The following CDK9 variants were observed in gnomAD, a reference collection of about 807,000 sequenced individuals.
The protein encoded by CDK9 is cyclin-dependent kinase 9.
CDK9 carries 34 observed loss-of-function variants against 39.0 expected under a neutral mutation model. The ratio of observed to expected loss-of-function variants is 0.87; its 90% CI spans 0.66 to 1.16. The LOEUF (loss-of-function observed/expected upper bound fraction) is 1.16. Ranked by LOEUF, CDK9 falls within the 50% of genes most tolerant of loss-of-function variation. CDK9 has a pLI of 0.00. For missense variants in CDK9, 369 were observed against 503.2 expected, an observed-to-expected ratio of 0.73 and a Z score of 2.55; for synonymous variants, 233 against 196.2, an observed-to-expected ratio of 1.19 and a Z score of -1.57.
intron 2 of CDK9, 86 bp from the exon 3 acceptor site, chr9:127,787,432 C>T: frequency 2.4e-6 from 2 of 820,082 alleles, no homozygotes; most frequent in Non-Finnish European, 4.1e-6. Flanking sequence ...CTTGCTCTGT[C>T]TCCCAACTTG....
Position 127,790,188 on chromosome 9 carries a change from G to A in CDK9, c.*645G>A, listed in dbSNP as rs375388761. On this transcript the variant is annotated 3_prime_UTR_variant, in exon 7 of 7. Transcript: ENST00000373264. ...AGGTTGGGCCTGACCATTGGGACTT[G>A]ATTGTCAAGTCACTGGAGGTCTTGA... The A allele has an allele frequency of 2.0e-5, 3 of 151,780 alleles. No homozygotes were observed. Among genetic ancestry groups the A allele is most frequent in the Non-Finnish European group, 4.4e-5 (3 of 68,016 alleles). 9.4% of individuals were successfully genotyped at this position (151,780 alleles called of 1,614,324 possible).
Position 127,788,228 on chromosome 9 carries a change from C to T in CDK9, c.447C>T (p.Asp149=), listed in dbSNP as rs1340295936. The change falls in exon 5 of 7, where the codon GAC becomes GAT. Residue 149 remains aspartate, a synonymous_variant. Transcript: ENST00000373264. ...YIHRNKILHR[D]MKAANVLITR... is the part of the protein sequence containing the mutation. The stretch of plus-strand genomic sequence containing the variant: ...CCTTCCTGCAGATCCTGCATAGGGA[C>T]ATGAAGGCTGCTAATGTGCTTATCA... The T allele has an allele frequency of 2.5e-6, 4 of 1,613,846 alleles. No homozygotes were observed. In the South Asian group the frequency reaches 3.3e-5, roughly 13 times the overall value.
At chr9:127,788,138 AC>A in intron 4 of CDK9, 25 bp downstream of exon 4, 1 of 1,613,854 alleles carries the variant, frequency 6.2e-7, no homozygotes, top group African/African-American at 1.3e-5. Context: ...TGGGAGGAGG[AC>A]CCAGGCTTGG....
chr9:127,788,439 C>CT, intron 5 of CDK9, 54 bp downstream of exon 5: 1 of 1,566,658 alleles, frequency 6.4e-7, no homozygotes, highest in Non-Finnish European at 8.7e-7. Context: ...CTACCTGGCC[C>CT]CTTCCCCCCA....
intron 6 of CDK9, among the ~76,000 whole-genome samples, 182 bp downstream of exon 6, chr9:127,788,874 G>A (rs2297214): frequency 0.33 from 49,412 of 152,034 alleles, 9,386 homozygotes; most frequent in East Asian, 0.59. Flanking sequence ...CGCCAGTCTC[G>A]GTTCCATCAG....
intron 3 of CDK9, 140 bp from the exon 4 acceptor site, chr9:127,787,807 G>T: frequency 1.0e-6 from 1 of 981,292 alleles, no homozygotes; most frequent in Non-Finnish European, 1.5e-6. Context: ...GAAAATATTT[G>T]ACCGGTGAAG....
In CDK9 at chr9:127,788,391, G is replaced by T; in HGVS notation, c.604+6G>T. 6.2e-7 allele frequency: 1 copy of T among 1,610,740 alleles called. No individual in the cohort carries two copies. The highest frequency in any genetic ancestry group is 1.1e-5 in the South Asian group (1 of 90,882). On this transcript the variant is annotated splice_donor_region_variant and intron_variant, in intron 5 of 6. Transcript: ENST00000373264. ...GCCCCCGGAGCTGTTGCTCGGTGAGGACTCCCGAGCGGGCCAAGGGGGGTG... is the reference window on the plus strand; with the variant it reads ...GCCCCCGGAGCTGTTGCTCGGTGAGTACTCCCGAGCGGGCCAAGGGGGGTG...
rs1282744711 is a variant in CDK9 at position 127,790,650 on chromosome 9, T to C, written c.*1107T>C. 2.0e-5 allele frequency: 3 copies of C among 152,090 alleles called. No homozygotes were observed. Among genetic ancestry groups the C allele is most frequent in the African/African-American group, 7.2e-5 (3 of 41,392 alleles). The allele number at this position is 152,090 out of a possible 1,614,324, so 9.4% of individuals were successfully genotyped here. On this transcript the variant is annotated 3_prime_UTR_variant, in exon 7 of 7. Coordinates refer to ENST00000373264, the MANE Select transcript of CDK9 (RefSeq NM_001261.4). ...TAGGAAGAGACATTCTGGAGGTCAA[T>C]TTCCTACATCCTCTTACAGGCGGAG...
In CDK9 at chr9:127,788,662, C is replaced by G; in HGVS notation, c.723C>G (p.Ile241Met). ...GNTEQHQLAL[I>M]SQLCGSITPE... ...CGGAGCAGCACCAACTCGCCCTCAT[C>G]AGTCAGCTCTGCGGCTCCATCACCC... is the stretch of plus-strand genomic sequence containing the variant. Residue 241 changes from isoleucine to methionine, a missense_variant, in exon 6 of 7, where the codon ATC becomes ATG. Transcript: ENST00000373264. 1 of 1,610,896 alleles carries G rather than the reference C, an allele frequency of 6.2e-7. No individual in the cohort carries two copies. Among genetic ancestry groups the G allele is most frequent in the Non-Finnish European group, 8.5e-7 (1 of 1,178,590 alleles).
Position 127,790,599 on chromosome 9 carries a change from A to G in CDK9, c.*1056A>G, listed in dbSNP as rs1829410036. ...CCTTTGAGGAGCGGCACATTCTGGC[A>G]GGCACGTTTTCTGTGAGCCTGAAGT... On this transcript the variant is annotated 3_prime_UTR_variant, in exon 7 of 7. Coordinates refer to ENST00000373264, the MANE Select transcript of CDK9 (RefSeq NM_001261.4). 1 of 152,136 alleles carries G rather than the reference A, an allele frequency of 6.6e-6. No homozygotes were observed. Among genetic ancestry groups the G allele is most frequent in the Non-Finnish European group, 1.5e-5 (1 of 68,026 alleles). 9.4% of individuals were successfully genotyped at this position (152,136 alleles called of 1,614,324 possible). A position where few individuals can be genotyped will look rare whatever the true frequency, so the allele number is the denominator to read the frequency against.
At position 127,787,372 on chromosome 9, in the gene CDK9, T is replaced by C. The variant is rs78317863; in HGVS notation, c.175-146T>C. 1.7e-3 allele frequency: 972 copies of C among 580,082 alleles called. 16 individuals are homozygous for C. In the East Asian group the frequency reaches 0.025, roughly 15 times the overall value. The allele number at this position is 580,082 out of a possible 1,614,324, so 35.9% of individuals were successfully genotyped here. ...TCTTGAAGTGTGCATGCTACTAATA[T>C]CCATTTTATAGACAAGGCTTCTGAG... On this transcript the variant is annotated intron_variant, in intron 2 of 6. Transcript: ENST00000373264.
chr9:127,786,638 G>C lies in CDK9; in HGVS notation c.93-63G>C, dbSNP rs1239048856. 2.1e-6 allele frequency: 3 copies of C among 1,416,822 alleles called. No individual in the cohort carries two copies. The African/African-American group carries it at 4.2e-5, about 20-fold the overall frequency. The allele number at this position is 1,416,822 out of a possible 1,614,324, so 87.8% of individuals were successfully genotyped here. On this transcript the variant is annotated intron_variant, in intron 1 of 6. Transcript: ENST00000373264. ...TGCTGCTGCCCCTCCTCCTGTAGTG[G>C]GGGAGGGGCGGGCCCTGCGGAAATG...
intron 1 of CDK9, 119 bp from the exon 2 acceptor site, chr9:127,786,582 T>C: frequency 1.1e-6 from 1 of 872,252 alleles, no homozygotes; most frequent in Non-Finnish European, 1.8e-6. Context: ...GTGCCCTGGG[T>C]ACCTAGCCCA....
rs8083 is a variant in CDK9 at position 127,789,900 on chromosome 9, G to A, written c.*357G>A. On this transcript the variant is annotated 3_prime_UTR_variant, in exon 7 of 7. Coordinates refer to ENST00000373264, the MANE Select transcript of CDK9 (RefSeq NM_001261.4). The surrounding 1 kb of genome is among the most constrained non-coding windows in gnomAD (Gnocchi z 5.2). ...ATTCTCGGGCTGAGAACCCTGCGTG[G>A]GGACAGGGCTCGCCTCAGGAATGGG... is the stretch of plus-strand genomic sequence containing the variant. The A allele has an allele frequency of 0.35, 89,660 of 256,182 alleles. 17,658 individuals carry two copies. Among genetic ancestry groups the A allele is most frequent in the East Asian group, 0.59 (5,642 of 9,502 alleles). 15.9% of individuals were successfully genotyped at this position (256,182 alleles called of 1,614,324 possible). A position where few individuals can be genotyped will look rare whatever the true frequency, so the allele number is the denominator to read the frequency against.
rs1437973574 is a variant in CDK9 at position 127,788,354 on chromosome 9, A to G, written c.573A>G (p.Thr191=). The G allele has an allele frequency of 2.5e-6, 4 of 1,612,728 alleles. No homozygotes were observed. The highest frequency in any genetic ancestry group is 4.5e-5 in the East Asian group (2 of 44,866). The change falls in exon 5 of 7, where the codon ACA becomes ACG. Residue 191 remains threonine, a synonymous_variant. Transcript: ENST00000373264. ...QPNRYTNRVV[T]LWYRPPELLL... is the part of the protein sequence containing the mutation. The stretch of plus-strand genomic sequence containing the variant: ...ACCGCTACACCAACCGTGTGGTGAC[A>G]CTCTGGTACCGGCCCCCGGAGCTGT...
Position 127,786,388 on chromosome 9 carries a change from G to A in CDK9, c.92+148G>A, listed in dbSNP as rs865886861. 63 of 755,270 alleles carry A rather than the reference G, an allele frequency of 8.3e-5. No homozygotes were observed. The African/African-American group carries it at 1.0e-3, about 12-fold the overall frequency. 46.8% of individuals were successfully genotyped at this position (755,270 alleles called of 1,614,324 possible). On this transcript the variant is annotated intron_variant, in intron 1 of 6. Transcript: ENST00000373264. The stretch of plus-strand genomic sequence containing the variant: ...TCTAGGCCGCGCCGCACCCCGCCCC[G>A]GCCTGACGGAGCCGGCTGGTGGGGA...
intron 3 of CDK9, 26 bp downstream of exon 3, chr9:127,787,634 G>A (rs765076795): frequency 6.6e-7 from 1 of 1,507,988 alleles, no homozygotes; most frequent in African/African-American, 1.4e-5. Flanking sequence ...CTTACGAGAA[G>A]ATGACACTTG....
Position 127,789,202 on chromosome 9 carries a change from G to A in CDK9, c.778G>A (p.Glu260Lys). ...GGTGTGGCCAAACGTGGACAACTATGAGCTGTACGAAAAGCTGGAGCTGGT... is the reference window on the plus strand; with the variant it reads ...GGTGTGGCCAAACGTGGACAACTATAAGCTGTACGAAAAGCTGGAGCTGGT... ...PEVWPNVDNY[E>K]LYEKLELVKG... Residue 260 changes from glutamate to lysine, a missense_variant, in exon 7 of 7, where the codon GAG becomes AAG. Coordinates refer to ENST00000373264, the MANE Select transcript of CDK9 (RefSeq NM_001261.4). The surrounding 1 kb of genome is among the most constrained non-coding windows in gnomAD (Gnocchi z 5.2). The A allele has an allele frequency of 6.2e-7, 1 of 1,600,132 alleles. No individual in the cohort carries two copies. Among genetic ancestry groups the A allele is most frequent in the Non-Finnish European group, 8.5e-7 (1 of 1,170,932 alleles).
At position 127,790,533 on chromosome 9, in the gene CDK9, T is replaced by C. The variant is rs766235537; in HGVS notation, c.*990T>C. 2 of 151,938 alleles carry C rather than the reference T, an allele frequency of 1.3e-5. No individual in the cohort carries two copies. The highest frequency in any genetic ancestry group is 6.6e-5 in the Admixed American group (1 of 15,222). The allele number at this position is 151,938 out of a possible 1,614,324, so 9.4% of individuals were successfully genotyped here. A position where few individuals can be genotyped will look rare whatever the true frequency, so the allele number is the denominator to read the frequency against. On this transcript the variant is annotated 3_prime_UTR_variant, in exon 7 of 7. Coordinates refer to ENST00000373264, the MANE Select transcript of CDK9 (RefSeq NM_001261.4). ...GTAGTTTGGACGGGGGTGGGGAGTA[T>C]GTGGGAGAAAAAAACAGACTGAAGG...
Sources: allele counts gnomAD v4.1 joint callset (sites outside exome capture counted in the v4.1 genomes callset), GRCh38; gene constraint gnomAD v4.1.1; non-coding constraint Gnocchi (gnomAD v3.1); transcripts MANE v1.5; gene names NCBI Gene and HGNC (gene_info 2026-07-23, HGNC 2026-07-21).